C17orf99: variants seen among roughly 807,000 people sequenced by gnomAD.
C17orf99 encodes the protein protein IL-40.
C17orf99 carries 18 observed loss-of-function variants against 22.6 expected under a neutral mutation model. That is an observed-to-expected ratio of 0.80 (90% CI 0.55 to 1.18). The LOEUF (loss-of-function observed/expected upper bound fraction) is 1.18. C17orf99 is among the 50% of genes most tolerant of loss of function. The probability of loss-of-function intolerance (pLI) is 0.00; values close to 1 mark genes in which losing one functional copy is unlikely to be tolerated. For synonymous variants in C17orf99, 147 were observed against 136.6 expected (o/e 1.08, Z -0.53); for missense variants, 328 against 342.7 (o/e 0.96, Z 0.34).
In C17orf99 at chr17:78,165,751, G is replaced by A. The variant is rs2075612497; in HGVS notation, c.641-138G>A. ...CAGGAGGTGGAGGTTGCAGTGAGCCGAGATCGTGCCATTGCACTCCAGCCT... is the reference window on the plus strand; with the variant it reads ...CAGGAGGTGGAGGTTGCAGTGAGCCAAGATCGTGCCATTGCACTCCAGCCT... On this transcript the variant is annotated intron_variant, in intron 4 of 4. Transcript: ENST00000340363. 12 of 1,205,882 alleles carry A rather than the reference G, an allele frequency of 1.0e-5. No individual in the cohort carries two copies. The South Asian group carries it at 1.2e-4, about 12-fold the overall frequency. 74.7% of individuals were successfully genotyped at this position (1,205,882 alleles called of 1,614,324 possible).
intron 2 of C17orf99, chr17:78,157,784 G>GT (rs2075539529): frequency 3.0e-6 from 2 of 657,750 alleles, no homozygotes; most frequent in Admixed American, 5.6e-5. Context: ...GCGACAGAGC[G>GT]TGACTCTGTC....
At chr17:78,154,148 A>G (rs750203005) in intron 2 of C17orf99, among the ~76,000 whole-genome samples, 19 of 150,564 alleles carry the variant, frequency 1.3e-4, no homozygotes, top group Non-Finnish European at 2.4e-4. Context: ...CTGGCTTTGA[A>G]CTCCTGGCCT....
chr17:78,161,258 A>G lies in C17orf99; in HGVS notation c.370+4A>G. ...ATGCACTGGGAGCTGTGGTCCAGTGAGTGCGGTGGGGGGCACAGGGCTGAG... is the reference window on the plus strand; with the variant it reads ...ATGCACTGGGAGCTGTGGTCCAGTGGGTGCGGTGGGGGGCACAGGGCTGAG... On this transcript the variant is annotated splice_donor_region_variant and intron_variant, in intron 3 of 4. Transcript: ENST00000340363. The G allele has an allele frequency of 6.4e-7, 1 of 1,550,742 alleles. No individual in the cohort carries two copies. Among genetic ancestry groups the G allele is most frequent in the South Asian group, 1.2e-5 (1 of 84,050 alleles).
intron 2 of C17orf99, among the ~76,000 whole-genome samples, chr17:78,154,223 C>T (rs1029972964): frequency 2.0e-5 from 3 of 151,048 alleles, no homozygotes; most frequent in African/African-American, 7.3e-5. Context: ...CTGTGCCAGG[C>T]CTGAAAAAAA....
At chr17:78,145,589 C>T (rs975550945), upstream of C17orf99, among the ~76,000 whole-genome samples, 3 of 152,108 alleles carry the variant, frequency 2.0e-5, no homozygotes, top group Admixed American at 2.0e-4. Context: ...CTTGGCCTCC[C>T]GGCTGTGAAC....
At chr17:78,153,168 C>T (rs1196586638) in intron 2 of C17orf99, among the ~76,000 whole-genome samples, 2 of 151,964 alleles carry the variant, frequency 1.3e-5, no homozygotes, top group Admixed American at 6.6e-5. Flanking sequence ...AGGAAAAAAC[C>T]ACACAAGTCT....
chr17:78,157,913 C>A, intron 2 of C17orf99: 2 of 1,170,994 alleles, frequency 1.7e-6, no homozygotes, highest in Non-Finnish European at 2.5e-6. Context: ...TGCCAAGGTC[C>A]ACCTGGTTGG....
intron 2 of C17orf99, chr17:78,160,081 T>C (rs1054487882): frequency 5.7e-5 from 26 of 456,158 alleles, no homozygotes; most frequent in Non-Finnish European, 1.1e-4. Flanking sequence ...GGTGTATGTC[T>C]AGGCCTGGAA....
intron 4 of C17orf99, 59 bp from the exon 5 acceptor site, chr17:78,165,830 C>CGAGAGGGGATGGCT (rs2075613160): frequency 1.6e-6 from 2 of 1,279,172 alleles, no homozygotes; most frequent in African/African-American, 3.1e-5. Flanking sequence ...TCAGACGCCT[C>CGAGAGGGGATGGCT]GGGAGGGGAT....
intron 2 of C17orf99, among the ~76,000 whole-genome samples, chr17:78,156,148 G>A (rs1467096635): frequency 6.6e-6 from 1 of 151,204 alleles, no homozygotes; most frequent in African/African-American, 2.4e-5. Flanking sequence ...TGGCCAATGT[G>A]GCGAAACCCA....
chr17:78,164,007 A>T, intron 3 of C17orf99, 88 bp from the exon 4 acceptor site: 1 of 1,162,480 alleles, frequency 8.6e-7, no homozygotes, highest in Non-Finnish European at 1.3e-6. Context: ...TAAGCTCATT[A>T]GGCATTTTGT....
intron 2 of C17orf99, chr17:78,160,064 A>G (rs1305404498): frequency 4.4e-6 from 2 of 455,978 alleles, no homozygotes; most frequent in Non-Finnish European, 8.8e-6. Context: ...CCTGTTTTCT[A>G]TTATTTGGTG....
chr17:78,156,628 A>G (rs1222322598), intron 2 of C17orf99, among the ~76,000 whole-genome samples: 1 of 152,054 alleles, frequency 6.6e-6, no homozygotes, highest in Non-Finnish European at 1.5e-5. Flanking sequence ...TAATTTTTTT[A>G]GAAACAGGGT....
chr17:78,158,897 C>G (rs532676425), intron 2 of C17orf99: 4 of 162,380 alleles, frequency 2.5e-5, no homozygotes, highest in African/African-American at 9.6e-5. Context: ...GTCTGGTCCC[C>G]TGTTACCCAT....
rs938314986 is a variant in C17orf99 at position 78,164,213 on chromosome 17, G to A, written c.489G>A (p.Gly163=). 17 of 1,551,538 alleles carry A rather than the reference G, an allele frequency of 1.1e-5. No homozygotes were observed. The highest frequency in any genetic ancestry group is 1.4e-5 in the Non-Finnish European group (16 of 1,147,020). ...GSPPITNSLI[G]KDGQVHLQQR... ...CACCTATCACCAACAGCCTGATCGG[G>A]AAGGATGGGCAGGTCCACCTGCAGC... is the stretch of plus-strand genomic sequence containing the variant. The change falls in exon 4 of 5, where the codon GGG becomes GGA. Residue 163 remains glycine, a synonymous_variant. Transcript: ENST00000340363.
At chr17:78,147,022 G>T in intron 2 of C17orf99, 111 bp downstream of exon 2, 2 of 898,886 alleles carry the variant, frequency 2.2e-6, no homozygotes, top group Non-Finnish European at 3.6e-6. Context: ...GTGGGGAGGT[G>T]TGTGCTGGAG....
chr17:78,161,019 G>T lies in C17orf99; in HGVS notation c.135G>T (p.Val45=). 6.4e-7 allele frequency: 1 copy of T among 1,551,548 alleles called. No homozygotes were observed. The highest frequency in any genetic ancestry group is 8.7e-7 in the Non-Finnish European group (1 of 1,146,916). The change falls in exon 3 of 5, where the codon GTG becomes GTT. Residue 45 remains valine (V), a synonymous_variant. Transcript: ENST00000340363. ...AAGTTTTCCCCAAAGGCCGCTGGGTGCTCATAACCTGCTGTGCACCCCAGC... is the reference window on the plus strand; with the variant it reads ...AAGTTTTCCCCAAAGGCCGCTGGGTTCTCATAACCTGCTGTGCACCCCAGC... ...VLEVFPKGRW[V]LITCCAPQPP... is the part of the protein sequence containing the mutation.
At chr17:78,159,471 T>A (rs2075555205) in intron 2 of C17orf99, among the ~76,000 whole-genome samples, 1 of 151,956 alleles carries the variant, frequency 6.6e-6, no homozygotes, top group Admixed American at 6.6e-5. Context: ...AAACCCCATG[T>A]CTACTAAAAA....
At chr17:78,155,440 C>A (rs1251836256) in intron 2 of C17orf99, among the ~76,000 whole-genome samples, 1 of 152,072 alleles carries the variant, frequency 6.6e-6, no homozygotes, top group Non-Finnish European at 1.5e-5. Flanking sequence ...ACCCCTCCCC[C>A]AAGCACTGCC....
Sources: gnomAD v4.1 joint callset for allele counts (sites outside exome capture counted in the v4.1 genomes callset) on GRCh38, gnomAD v4.1.1 for gene constraint, MANE v1.5 for transcripts, NCBI Gene and HGNC (gene_info 2026-07-23, HGNC 2026-07-21) for gene names.